ASAP1: variants seen among roughly 807,000 people sequenced by gnomAD.
ASAP1 encodes the protein arf-GAP with SH3 domain, ANK repeat and PH domain-containing protein 1.
ASAP1 carries 43 observed loss-of-function variants against 145.2 expected under a neutral mutation model. The ratio of observed to expected loss-of-function variants is 0.30; its 90% CI spans 0.23 to 0.38. The LOEUF (loss-of-function observed/expected upper bound fraction) is 0.38, where lower values mean the gene tolerates loss of function less well. Ranked by LOEUF, ASAP1 falls within the 10% of genes least tolerant of loss-of-function variation. ASAP1 has a pLI of 1.00. For synonymous variants in ASAP1, 546 were observed against 515.5 expected (o/e 1.06, Z -0.80); for missense variants, 1,018 against 1,355.3 (o/e 0.75, Z 3.91).
At chr8:130,128,734 C>CTAAAATAACCTA (rs2097578953) in intron 15 of ASAP1, among the ~76,000 whole-genome samples, 1 of 152,090 alleles carries the variant, frequency 6.6e-6, no homozygotes, top group Non-Finnish European at 1.5e-5. Context: ...CCCTTTGCTA[C>CTAAAATAACCTA]TAAAATAACC....
chr8:130,363,852 C>A (rs899563686), intron 2 of ASAP1, among the ~76,000 whole-genome samples: 1 of 152,110 alleles, frequency 6.6e-6, no homozygotes, highest in Non-Finnish European at 1.5e-5. Flanking sequence ...CTGTATTTCA[C>A]CTGACAACTT....
intron 3 of ASAP1, among the ~76,000 whole-genome samples, chr8:130,262,399 AAAAAAAAAAAAAAAAAAAGAGAGAG>A (rs1456266149): frequency 1.1e-4 from 12 of 105,564 alleles, no homozygotes; most frequent in African/African-American, 4.5e-4. Flanking sequence ...TCTCAAAAAA[AAAAAAAAAAAAAAAAAAAGAGAGAG>A]AGAGAGAGAG....
At chr8:130,408,436 T>C (rs1041924697) in intron 1 of ASAP1, among the ~76,000 whole-genome samples, 9 of 152,160 alleles carry the variant, frequency 5.9e-5, no homozygotes, top group Non-Finnish European at 1.5e-5. Context: ...TCTTCTTTTT[T>C]GGACACTGGC....
chr8:130,162,557 G>A (rs941927018), intron 11 of ASAP1, among the ~76,000 whole-genome samples: 4 of 152,120 alleles, frequency 2.6e-5, no homozygotes, highest in Non-Finnish European at 2.9e-5. Context: ...AGTGGCTCAC[G>A]CCTGTAATCC....
chr8:130,203,650 A>C (rs1816013856), intron 5 of ASAP1, among the ~76,000 whole-genome samples: 1 of 152,238 alleles, frequency 6.6e-6, no homozygotes. Flanking sequence ...GAAAATGGGA[A>C]ATCAAGGAAT....
At chr8:130,180,619 A>T in intron 8 of ASAP1, 132 bp downstream of exon 8, 2 of 1,147,300 alleles carry the variant, frequency 1.7e-6, no homozygotes, top group Non-Finnish European at 2.4e-6. Context: ...AATGGAGATT[A>T]GAATCCTTAA....
chr8:130,205,390 A>G (rs1816143760), intron 5 of ASAP1, among the ~76,000 whole-genome samples: 1 of 151,620 alleles, frequency 6.6e-6, no homozygotes, highest in South Asian at 2.1e-4. Flanking sequence ...AAGAAAAAAA[A>G]AAAAAAAAAA....
chr8:130,221,142 G>A (rs1350986107), intron 4 of ASAP1, among the ~76,000 whole-genome samples: 1 of 152,162 alleles, frequency 6.6e-6, no homozygotes, highest in Non-Finnish European at 1.5e-5. Flanking sequence ...GCTGAGGCAG[G>A]AGGCTTGCTG....
chr8:130,112,180 T>C lies in ASAP1; in HGVS notation c.2315A>G (p.Asn772Ser). The C allele has an allele frequency of 6.2e-7, 1 of 1,614,074 alleles. No homozygotes were observed. The highest frequency in any genetic ancestry group is 8.5e-7 in the Non-Finnish European group (1 of 1,180,008). The change falls in exon 24 of 30, where the codon AAC (asparagine) becomes AGC (serine). Residue 772 changes from asparagine (N) to serine (S), a missense_variant. Asn to Ser is a conservative substitution (Grantham distance 46). Around this residue, in one of 9 missense-constraint regions of ASAP1, gnomAD observed 353 missense variants for 375.4 expected, o/e 0.94. Coordinates refer to ENST00000518721, the MANE Select transcript of ASAP1 (RefSeq NM_018482.4). ...KQRLSYGAFT[N>S]QIFVSTSTDS... Reference sequence around the variant, plus strand: ...TGTGCTTGTGGAAACGAAGATCTGGTTGGTGAAGGCTCCATAGGAGAGCCG... The same window carrying C: ...TGTGCTTGTGGAAACGAAGATCTGGCTGGTGAAGGCTCCATAGGAGAGCCG...
intron 3 of ASAP1, among the ~76,000 whole-genome samples, chr8:130,259,946 A>C (rs1268135833): frequency 6.6e-6 from 1 of 152,210 alleles, no homozygotes; most frequent in Non-Finnish European, 1.5e-5. Flanking sequence ...AATTATTTTA[A>C]AATTCCTTGC....
intron 2 of ASAP1, among the ~76,000 whole-genome samples, chr8:130,370,580 C>T (rs1827167837): frequency 6.6e-6 from 1 of 152,154 alleles, no homozygotes; most frequent in Non-Finnish European, 1.5e-5. Flanking sequence ...AACATATGTG[C>T]ACATAAAACC....
intron 7 of ASAP1, among the ~76,000 whole-genome samples, chr8:130,182,940 A>G (rs1469054616): frequency 6.6e-6 from 1 of 151,796 alleles, no homozygotes; most frequent in Non-Finnish European, 1.5e-5. Flanking sequence ...CACTGAAAAA[A>G]TAACCTAAAA....
intron 12 of ASAP1, among the ~76,000 whole-genome samples, chr8:130,154,527 T>C (rs1170770807): frequency 1.3e-5 from 2 of 152,190 alleles, no homozygotes; most frequent in Non-Finnish European, 2.9e-5. Flanking sequence ...GAAGTAAGTT[T>C]TGAAGGCCTT....
intron 3 of ASAP1, among the ~76,000 whole-genome samples, chr8:130,283,450 C>G: frequency 6.6e-6 from 1 of 151,888 alleles, no homozygotes; most frequent in East Asian, 1.9e-4. Context: ...TGGTGGCATG[C>G]GCGCCTGTAG....
chr8:130,253,209 G>T (rs1014149811), intron 3 of ASAP1, among the ~76,000 whole-genome samples: 4 of 152,154 alleles, frequency 2.6e-5, no homozygotes, highest in Non-Finnish European at 4.4e-5. Context: ...TCAAATCCTA[G>T]CTCCACTACT....
At chr8:130,108,021 T>C (rs1399640581) in intron 24 of ASAP1, among the ~76,000 whole-genome samples, 1 of 152,222 alleles carries the variant, frequency 6.6e-6, no homozygotes, top group South Asian at 2.1e-4. Context: ...CTTTGATTAA[T>C]GAGAGTAGTT....
At chr8:130,087,247 C>T (rs571296251) in intron 25 of ASAP1, among the ~76,000 whole-genome samples, 4 of 152,158 alleles carry the variant, frequency 2.6e-5, no homozygotes, top group Admixed American at 6.5e-5. Context: ...GGGCCAAGTT[C>T]GGTGGCTCAT....
intron 4 of ASAP1, among the ~76,000 whole-genome samples, chr8:130,222,429 C>T (rs926329790): frequency 1.3e-5 from 2 of 152,214 alleles, no homozygotes. Flanking sequence ...TCATGCGATA[C>T]TCCCTCAAGG....
chr8:130,191,426 C>T (rs1156763096), intron 5 of ASAP1, among the ~76,000 whole-genome samples: 3 of 152,162 alleles, frequency 2.0e-5, no homozygotes, highest in African/African-American at 7.2e-5. Context: ...GTCAGCCTGT[C>T]CATCCATCCA....
Sources: allele counts gnomAD v4.1 joint callset (sites outside exome capture counted in the v4.1 genomes callset), GRCh38; gene constraint gnomAD v4.1.1; regional missense constraint gnomAD v4.1.1; transcripts MANE v1.5; gene names NCBI Gene and HGNC (gene_info 2026-07-23, HGNC 2026-07-21).